C2orf76: variants seen among roughly 807,000 people sequenced by gnomAD.
The protein encoded by C2orf76 is chromosome 2 open reading frame 76, also known as UPF0538 protein C2orf76.
C2orf76 carries 23 observed loss-of-function variants against 16.9 expected under a neutral mutation model. That is an observed-to-expected ratio of 1.36 (90% CI 0.98 to 1.93). The LOEUF is 1.93. Ranked by LOEUF, C2orf76 falls within the 30% of genes most tolerant of loss-of-function variation. The pLI, the probability that C2orf76 is intolerant of heterozygous loss-of-function variation, is 0.00. For synonymous variants in C2orf76, 48 were observed against 52.3 expected (o/e 0.92, Z 0.35); for missense variants, 152 against 152.6 (o/e 1.00, Z 0.02).
In C2orf76 at chr2:119,349,962, C is replaced by G. The variant is rs77187765; in HGVS notation, c.-12-9991G>C. On this transcript the variant is annotated intron_variant, in intron 1 of 5. Coordinates refer to ENST00000334816, the MANE Select transcript of C2orf76 (RefSeq NM_001322331.2). Reference sequence around the variant, plus strand: ...TGTTAATTTTGTGTAGAGCTAGGGTCTATGTTGTCCAGGTGGGTATTGAAC... The same window carrying G: ...TGTTAATTTTGTGTAGAGCTAGGGTGTATGTTGTCCAGGTGGGTATTGAAC... Among the ~76,000 whole-genome samples, 430 of 144,398 alleles carry G rather than the reference C, an allele frequency of 3.0e-3. 21 individuals are homozygous for G. In the East Asian group the frequency reaches 0.07, roughly 24 times the overall value. 94.7% of individuals were successfully genotyped at this position (144,398 alleles called of 152,430 possible).
At chr2:119,322,640 C>T (rs1054317725) in intron 2 of C2orf76, among the ~76,000 whole-genome samples, 29 of 152,212 alleles carry the variant, frequency 1.9e-4, no homozygotes, top group African/African-American at 6.7e-4. Flanking sequence ...ATTAGGTACT[C>T]GTTAAGTAAA....
At chr2:119,333,755 A>C (rs748035978) in intron 2 of C2orf76, among the ~76,000 whole-genome samples, 20 of 152,228 alleles carry the variant, frequency 1.3e-4, no homozygotes, top group Non-Finnish European at 2.5e-4. Context: ...ACCCGAACCT[A>C]ATCATGAGAA....
At chr2:119,295,228 G>A in the C2orf76 span, among the ~76,000 whole-genome samples, 1 of 152,136 alleles carries the variant, frequency 6.6e-6, no homozygotes, top group African/African-American at 2.4e-5. Context: ...AATTACGAGA[G>A]ATAGCTGCGG....
Position 119,302,429 on chromosome 2 carries a change from G to A in C2orf76, c.*43C>T. On this transcript the variant is annotated 3_prime_UTR_variant, in exon 6 of 6. Transcript: ENST00000334816. ...TTCAAAAATTCAGCAGTGGAATAAA[G>A]AGCTTAATACAGGTATGCAAAAAGG... is the stretch of plus-strand genomic sequence containing the variant. 1 of 751,052 alleles carries A rather than the reference G, an allele frequency of 1.3e-6. No homozygotes were observed. 46.5% of individuals were successfully genotyped at this position (751,052 alleles called of 1,614,324 possible).
chr2:119,339,679 C>T (rs951800645), intron 2 of C2orf76, 148 bp downstream of exon 2: 2 of 734,660 alleles, frequency 2.7e-6, no homozygotes, highest in African/African-American at 1.8e-5. Context: ...GATGCCAGGG[C>T]CCAGAACCGG....
the C2orf76 span, among the ~76,000 whole-genome samples, chr2:119,281,508 C>T: frequency 1.8e-5 from 2 of 112,790 alleles, no homozygotes; most frequent in Non-Finnish European, 3.6e-5. Context: ...GACCCTACCA[C>T]AAAGAAAATA....
At chr2:119,345,014 C>T (rs1266710234) in intron 1 of C2orf76, among the ~76,000 whole-genome samples, 7 of 152,036 alleles carry the variant, frequency 4.6e-5, no homozygotes, top group South Asian at 2.1e-4. Flanking sequence ...TACAAAATAA[C>T]GTGTCTATGA....
the C2orf76 span, among the ~76,000 whole-genome samples, chr2:119,285,277 C>T: frequency 2.6e-5 from 4 of 152,186 alleles, no homozygotes; most frequent in Admixed American, 1.3e-4. Flanking sequence ...GCGATAGTCT[C>T]GGCACAAAGT....
intron 2 of C2orf76, among the ~76,000 whole-genome samples, chr2:119,325,277 T>C (rs1202968391): frequency 1.3e-5 from 2 of 151,876 alleles, no homozygotes; most frequent in African/African-American, 2.4e-5. Context: ...CTGACCAACA[T>C]AGTGAAACCC....
chr2:119,353,560 T>TC (rs1046916663), intron 1 of C2orf76, among the ~76,000 whole-genome samples: 154 of 149,102 alleles, frequency 1.0e-3, no homozygotes, highest in Non-Finnish European at 2.0e-3. Context: ...AATTTTCTTT[T>TC]TTTTTTTTTT....
chr2:119,322,356 G>A (rs1679371392), intron 2 of C2orf76, among the ~76,000 whole-genome samples: 1 of 151,970 alleles, frequency 6.6e-6, no homozygotes, highest in Non-Finnish European at 1.5e-5. Flanking sequence ...ACAGGTGCAT[G>A]CCACCGCACC....
chr2:119,329,495 A>G (rs551211194), intron 2 of C2orf76, among the ~76,000 whole-genome samples: 1 of 152,228 alleles, frequency 6.6e-6, no homozygotes, highest in East Asian at 1.9e-4. Flanking sequence ...TTTACTTTCA[A>G]TGTGATTATT....
intron 3 of C2orf76, among the ~76,000 whole-genome samples, 194 bp from the exon 4 acceptor site, chr2:119,317,697 T>G (rs909645751): frequency 6.6e-6 from 1 of 151,402 alleles, no homozygotes; most frequent in African/African-American, 2.4e-5. Flanking sequence ...GTAAAAGATC[T>G]TTATCTTTTA....
At chr2:119,363,502 T>C (rs1382232266) in intron 1 of C2orf76, among the ~76,000 whole-genome samples, 6 of 151,532 alleles carry the variant, frequency 4.0e-5, no homozygotes, top group East Asian at 1.9e-4. Flanking sequence ...ACATTCCAAG[T>C]AACCGGAAAG....
chr2:119,340,069 C>A, intron 1 of C2orf76, 98 bp from the exon 2 acceptor site: 5 of 1,329,374 alleles, frequency 3.8e-6, no homozygotes, highest in Admixed American at 1.9e-5. Flanking sequence ...GCACCAGCCC[C>A]GCTCTTCCAT....
At chr2:119,300,130 C>A (rs1336569559), downstream of C2orf76, among the ~76,000 whole-genome samples, 1 of 152,160 alleles carries the variant, frequency 6.6e-6, no homozygotes, top group Non-Finnish European at 1.5e-5. Context: ...AATAACTTTA[C>A]CTCTCTGGGC....
the C2orf76 span, among the ~76,000 whole-genome samples, chr2:119,288,738 A>G: frequency 0.72 from 108,851 of 151,792 alleles, 40,195 homozygotes; most frequent in African/African-American, 0.89. Flanking sequence ...CAGAACCTGG[A>G]AGCCGCAGGC....
chr2:119,340,085 A>G (rs1482170390), intron 1 of C2orf76, 114 bp from the exon 2 acceptor site: 3 of 1,182,382 alleles, frequency 2.5e-6, no homozygotes, highest in Non-Finnish European at 3.5e-6. Flanking sequence ...TCCATGCTGC[A>G]TGATCACTGA....
At chr2:119,298,944 T>C (rs185305862), downstream of C2orf76, among the ~76,000 whole-genome samples, 2 of 152,322 alleles carry the variant, frequency 1.3e-5, no homozygotes, top group East Asian at 3.9e-4. Flanking sequence ...CATTCTTGTC[T>C]AATTCATATT....
Sources: allele counts gnomAD v4.1 joint callset (sites outside exome capture counted in the v4.1 genomes callset), GRCh38; gene constraint gnomAD v4.1.1; transcripts MANE v1.5; gene names NCBI Gene and HGNC (gene_info 2026-07-23, HGNC 2026-07-21).